The following STIL variants were observed in gnomAD, a reference collection of about 807,000 sequenced individuals.
The protein encoded by STIL is SCL-interrupting locus protein.
Under a neutral mutation model 110.1 loss-of-function variants are expected in STIL, and 55 were observed. The ratio of observed to expected loss-of-function variants is 0.50; its 90% CI spans 0.40 to 0.63. The LOEUF (loss-of-function observed/expected upper bound fraction) is 0.63, where lower values mean the gene tolerates loss of function less well. STIL is among the 20% of genes least tolerant of loss of function. The probability of loss-of-function intolerance (pLI) is 0.00; values close to 1 mark genes in which losing one functional copy is unlikely to be tolerated. For missense variants in STIL, 1,358 were observed against 1,530.0 expected, an observed-to-expected ratio of 0.89 and a Z score of 1.87; for synonymous variants, 481 against 530.0, an observed-to-expected ratio of 0.91 and a Z score of 1.27.
chr1:47,294,119 C>T (rs935533082), intron 7 of STIL, among the ~76,000 whole-genome samples: 2 of 152,182 alleles, frequency 1.3e-5, no homozygotes, highest in African/African-American at 2.4e-5. Flanking sequence ...TTTGCATGTG[C>T]CATTCCCTTA....
At chr1:47,284,891 A>AC (rs1438061891) in intron 10 of STIL, among the ~76,000 whole-genome samples, 1 of 146,172 alleles carries the variant, frequency 6.8e-6, no homozygotes, top group Non-Finnish European at 1.5e-5. Context: ...CCCTATCTCA[A>AC]AAAAAAAAAA....
rs1292397114 is a variant in STIL at position 47,260,691 on chromosome 1, G to A, written c.2830-152C>T. 21 of 802,700 alleles carry A rather than the reference G, an allele frequency of 2.6e-5. No individual in the cohort carries two copies. In the East Asian group the frequency reaches 2.9e-4, roughly 11 times the overall value. 49.7% of individuals were successfully genotyped at this position (802,700 alleles called of 1,614,324 possible). Reference sequence around the variant, plus strand: ...AGTTTAAGACCCTGGGCAACACAGCGAGATCCTGTCTCTACAAAAAACTAA... The same window carrying A: ...AGTTTAAGACCCTGGGCAACACAGCAAGATCCTGTCTCTACAAAAAACTAA... On this transcript the variant is annotated intron_variant, in intron 15 of 16. Coordinates refer to ENST00000371877, the MANE Select transcript of STIL (RefSeq NM_001048166.1).
intron 14 of STIL, among the ~76,000 whole-genome samples, chr1:47,267,011 T>C (rs974541439): frequency 6.6e-6 from 1 of 152,252 alleles, no homozygotes; most frequent in African/African-American, 2.4e-5. Context: ...TTCATGCTTT[T>C]TTCTGTAACT....
chr1:47,261,344 C>T lies in STIL; in HGVS notation c.2830-805G>A, dbSNP rs145847067. Among the ~76,000 whole-genome samples the T allele has an allele frequency of 4.4e-3, 663 of 150,882 alleles. 3 individuals carry two copies. The highest frequency in any genetic ancestry group is 0.015 in the African/African-American group (627 of 41,086). On this transcript the variant is annotated intron_variant, in intron 15 of 16. Transcript: ENST00000371877. The stretch of plus-strand genomic sequence containing the variant: ...CCCAGGTTGCAGAGAGCTGAGATGG[C>T]GCCACTGTACTCCAGCCTGGGTGAC...
At chr1:47,305,053 T>G (rs763952021) in intron 2 of STIL, 57 bp from the exon 3 acceptor site, 1 of 1,263,986 alleles carries the variant, frequency 7.9e-7, no homozygotes, top group Non-Finnish European at 1.1e-6. Context: ...TGGTAGACAT[T>G]TGGTAGGAAA....
intron 15 of STIL, among the ~76,000 whole-genome samples, chr1:47,262,353 C>T (rs1193033730): frequency 6.6e-6 from 1 of 152,114 alleles, no homozygotes; most frequent in Non-Finnish European, 1.5e-5. Context: ...CCAGAATTAC[C>T]CCTTTATTCT....
At chr1:47,309,655 A>G (rs1646065599) in intron 2 of STIL, among the ~76,000 whole-genome samples, 1 of 152,332 alleles carries the variant, frequency 6.6e-6, no homozygotes, top group African/African-American at 2.4e-5. Context: ...CCCTAGGGGA[A>G]AAAAGAGCAA....
chr1:47,256,369 T>A lies in STIL; in HGVS notation c.3080+3920A>T, dbSNP rs940567228. The stretch of plus-strand genomic sequence containing the variant: ...CTGGAGCAGTGGCTCATGCCTGCAA[T>A]CCCAGCACTTTGGGAGGCCGAGACT... On this transcript the variant is annotated intron_variant, in intron 16 of 16. Coordinates refer to ENST00000371877, the MANE Select transcript of STIL (RefSeq NM_001048166.1). 4.6e-5 allele frequency among the ~76,000 whole-genome samples: 7 copies of A among 152,234 alleles called. No homozygotes were observed. The East Asian group carries it at 1.4e-3, about 29-fold the overall frequency.
intron 9 of STIL, among the ~76,000 whole-genome samples, chr1:47,288,910 A>G (rs1013578786): frequency 2.0e-5 from 3 of 149,466 alleles, no homozygotes; most frequent in Non-Finnish European, 1.5e-5. Flanking sequence ...AAAAAAAAAA[A>G]AAATAGCCAG....
At chr1:47,310,860 T>C (rs954406339) in intron 1 of STIL, among the ~76,000 whole-genome samples, 1 of 150,878 alleles carries the variant, frequency 6.6e-6, no homozygotes, top group African/African-American at 2.5e-5. Context: ...TCAGTGTTCT[T>C]TTTTTTTGAG....
At chr1:47,298,582 G>A (rs1229417958) in intron 6 of STIL, among the ~76,000 whole-genome samples, 1 of 150,520 alleles carries the variant, frequency 6.6e-6, no homozygotes, top group Non-Finnish European at 1.5e-5. Context: ...TACTATAAAT[G>A]AATTCTCTAG....
At position 47,301,627 on chromosome 1, in the gene STIL, A is replaced by G; in HGVS notation, c.387T>C (p.His129=). Residue 129 remains histidine, a synonymous_variant, in exon 5 of 17, where the codon CAT becomes CAC. Transcript: ENST00000371877. ...TTTCTCTTGAACAAAGTTCTTGAGT[A>G]TGAACTTTGCATGGAATCAAAAAGT... ...PGDFLIPCKV[H]TQELCSREMI... 1.2e-6 allele frequency: 2 copies of G among 1,614,070 alleles called. No individual in the cohort carries two copies. The highest frequency in any genetic ancestry group is 1.7e-6 in the Non-Finnish European group (2 of 1,180,016).
At chr1:47,255,479 T>C (rs1268946951) in intron 16 of STIL, among the ~76,000 whole-genome samples, 2 of 150,752 alleles carry the variant, frequency 1.3e-5, no homozygotes, top group African/African-American at 4.9e-5. Context: ...GCCCAGGAGA[T>C]TGAGGCTGCA....
At chr1:47,253,369 A>G (rs1294378376) in intron 16 of STIL, among the ~76,000 whole-genome samples, 1 of 152,170 alleles carries the variant, frequency 6.6e-6, no homozygotes, top group Non-Finnish European at 1.5e-5. Flanking sequence ...TTTATTGTCT[A>G]GCACCCTCAT....
At chr1:47,288,355 G>A (rs888759694) in intron 9 of STIL, among the ~76,000 whole-genome samples, 4 of 151,422 alleles carry the variant, frequency 2.6e-5, no homozygotes, top group East Asian at 1.9e-4. Context: ...AGAGTGCAGC[G>A]GCACGATCTC....
chr1:47,289,862 C>T (rs1156666886), intron 8 of STIL, among the ~76,000 whole-genome samples: 9 of 149,042 alleles, frequency 6.0e-5, no homozygotes, highest in Admixed American at 2.7e-4. Context: ...GGCGTGAACC[C>T]GGGAGGCGGA....
rs915871473 is a variant in STIL, at chr1:47,299,001, G to A, written c.701+904C>T. ...CCTGACCTCGTGATCCACCCGCCTC[G>A]GCCTCCAATTTTAATATAATTTTTA... On this transcript the variant is annotated intron_variant, in intron 6 of 16. Transcript: ENST00000371877. Among the ~76,000 whole-genome samples, 6 of 150,756 alleles carry A rather than the reference G, an allele frequency of 4.0e-5. No individual in the cohort carries two copies. The East Asian group carries it at 9.9e-4, about 25-fold the overall frequency.
intron 3 of STIL, among the ~76,000 whole-genome samples, chr1:47,304,004 C>G (rs1645880717): frequency 6.6e-6 from 1 of 151,970 alleles, no homozygotes; most frequent in South Asian, 2.1e-4. Context: ...CTTATTTAAC[C>G]CCTACAAGAG....
chr1:47,259,382 C>G (rs1042281429), intron 16 of STIL, among the ~76,000 whole-genome samples: 2 of 148,186 alleles, frequency 1.3e-5, no homozygotes, highest in African/African-American at 4.9e-5. Flanking sequence ...CTCTGCCTCC[C>G]CGGGTTCAGG....
Sources: gnomAD v4.1 joint callset for allele counts (sites outside exome capture counted in the v4.1 genomes callset) on GRCh38, gnomAD v4.1.1 for gene constraint, MANE v1.5 for transcripts, NCBI Gene and HGNC (gene_info 2026-07-23, HGNC 2026-07-21) for gene names.